The following UBP1 variants were observed in gnomAD, a reference collection of about 807,000 sequenced individuals.
The protein encoded by UBP1 is upstream-binding protein 1.
A neutral mutation model predicts 76.1 loss-of-function variants in UBP1; 22 were observed. The observed-to-expected ratio is 0.29, with a 90% confidence interval of 0.21 to 0.41. UBP1 has a LOEUF of 0.41. Ranked by LOEUF, UBP1 falls within the 10% of genes least tolerant of loss-of-function variation. The probability of loss-of-function intolerance (pLI) is 1.00; values close to 1 mark genes in which losing one functional copy is unlikely to be tolerated. For missense variants in UBP1, 436 were observed against 668.1 expected, an observed-to-expected ratio of 0.65 and a Z score of 3.83; for synonymous variants, 224 against 237.1, an observed-to-expected ratio of 0.94 and a Z score of 0.51.
At chr3:33,433,875 C>T (rs1157601920) in intron 1 of UBP1, among the ~76,000 whole-genome samples, 1 of 149,850 alleles carries the variant, frequency 6.7e-6, no homozygotes, top group Non-Finnish European at 1.5e-5. Flanking sequence ...ATCAAGTCTG[C>T]AAATAGCCAC....
chr3:33,411,113 G>A (rs1003600304), intron 5 of UBP1, among the ~76,000 whole-genome samples: 2 of 151,542 alleles, frequency 1.3e-5, no homozygotes, highest in Admixed American at 1.3e-4. Flanking sequence ...TAACTAAAAG[G>A]GGGCGGAAAC....
rs2044174699 is a variant in UBP1 at position 33,400,292 on chromosome 3, A to G, written c.1087-10T>C. 1 of 1,583,400 alleles carries G rather than the reference A, an allele frequency of 6.3e-7. No individual in the cohort carries two copies. Among genetic ancestry groups the G allele is most frequent in the Non-Finnish European group, 8.6e-7 (1 of 1,166,050 alleles). ...CTGAAGGCTGAATTTGCTATTAACA[A>G]TGAAAATGAACATAAATAAAAGGAA... On this transcript the variant is annotated splice_polypyrimidine_tract_variant and intron_variant, in intron 10 of 15. Coordinates refer to ENST00000283629, the MANE Select transcript of UBP1 (RefSeq NM_014517.5).
chr3:33,409,167 C>T (rs1180936267), intron 7 of UBP1, 69 bp downstream of exon 7: 1 of 1,446,118 alleles, frequency 6.9e-7, no homozygotes, highest in South Asian at 1.2e-5. Context: ...TGTAGCAGAA[C>T]TCATCTTAGA....
At chr3:33,391,062 G>A (rs2043745313) in intron 15 of UBP1, 1 of 152,296 alleles carries the variant, frequency 6.6e-6, no homozygotes, top group Admixed American at 6.5e-5. Context: ...GGTAAAAACT[G>A]TACTGCTGTG....
chr3:33,433,603 A>T (rs2045151864), intron 1 of UBP1, among the ~76,000 whole-genome samples: 1 of 151,622 alleles, frequency 6.6e-6, no homozygotes, highest in African/African-American at 2.4e-5. Flanking sequence ...CGGTGAGCTG[A>T]GACAGTGCCA....
chr3:33,429,429 GCCTCAACCTCCCA>G (rs760702984), intron 1 of UBP1, among the ~76,000 whole-genome samples: 37 of 151,554 alleles, frequency 2.4e-4, no homozygotes, highest in Admixed American at 1.5e-3. Context: ...GCTCACTACA[GCCTCAACCTCCCA>G]CCTCAACCTC....
chr3:33,428,893 G>A (rs941517903), intron 1 of UBP1, among the ~76,000 whole-genome samples: 1 of 149,958 alleles, frequency 6.7e-6, no homozygotes, highest in African/African-American at 2.5e-5. Context: ...AACTACCCCG[G>A]CCTCCTGATT....
At chr3:33,437,843 G>C (rs1418631717) in intron 1 of UBP1, among the ~76,000 whole-genome samples, 1 of 152,100 alleles carries the variant, frequency 6.6e-6, no homozygotes, top group Non-Finnish European at 1.5e-5. Flanking sequence ...AGTCAATTTT[G>C]GAATTTCCTT....
At chr3:33,420,479 C>G (rs931334717) in intron 2 of UBP1, among the ~76,000 whole-genome samples, 4 of 148,506 alleles carry the variant, frequency 2.7e-5, no homozygotes, top group African/African-American at 9.9e-5. Flanking sequence ...GTGTGTGCCA[C>G]CATACTGGCT....
At chr3:33,417,036 A>G (rs1010903066) in intron 2 of UBP1, among the ~76,000 whole-genome samples, 1 of 152,150 alleles carries the variant, frequency 6.6e-6, no homozygotes, top group Admixed American at 6.5e-5. Context: ...AGGAGACAAG[A>G]GTTTCTCTGT....
Position 33,388,399 on chromosome 3 carries a change from A to G in UBP1, c.*1932T>C, listed in dbSNP as rs1479537546. The G allele has an allele frequency of 6.6e-6, 1 of 152,630 alleles. No homozygotes were observed. Among genetic ancestry groups the G allele is most frequent in the Non-Finnish European group, 1.5e-5 (1 of 68,032 alleles). The allele number at this position is 152,630 out of a possible 1,614,324, so 9.5% of individuals were successfully genotyped here. ...GTGTACATCCTACTATTAAAAAAAC[A>G]AAGTAACAAATTTGCTGGTGCCAAA... is the stretch of plus-strand genomic sequence containing the variant. On this transcript the variant is annotated 3_prime_UTR_variant, in exon 16 of 16. Transcript: ENST00000283629.
At chr3:33,429,256 T>C (rs7613769) in intron 1 of UBP1, among the ~76,000 whole-genome samples, 39,307 of 152,064 alleles carry the variant, frequency 0.26, 5,990 homozygotes, top group East Asian at 0.47. Flanking sequence ...TTGAAAGTCC[T>C]AAAACCTTGA....
rs1286863609 is a variant in UBP1 at position 33,389,663 on chromosome 3, C to G, written c.*668G>C. The stretch of plus-strand genomic sequence containing the variant: ...AAGCCAAAACACAAAAGTCTTTGTA[C>G]CTATTAGGATTTACACTGATCCTCT... On this transcript the variant is annotated 3_prime_UTR_variant, in exon 16 of 16. Transcript: ENST00000283629. 6.6e-6 allele frequency: 1 copy of G among 152,342 alleles called. No individual in the cohort carries two copies. The highest frequency in any genetic ancestry group is 1.5e-5 in the Non-Finnish European group (1 of 68,022). 9.4% of individuals were successfully genotyped at this position (152,342 alleles called of 1,614,324 possible). A position where few individuals can be genotyped will look rare whatever the true frequency, so the allele number is the denominator to read the frequency against.
chr3:33,439,151 G>A (rs543031199), intron 1 of UBP1, among the ~76,000 whole-genome samples: 8 of 152,280 alleles, frequency 5.3e-5, no homozygotes, highest in African/African-American at 1.9e-4. Flanking sequence ...ACCCTCAAGA[G>A]GAAACAGCCT....
chr3:33,409,195 C>T lies in UBP1; in HGVS notation c.819+41G>A, dbSNP rs1221449552. 4.4e-6 allele frequency: 7 copies of T among 1,590,896 alleles called. No homozygotes were observed. The South Asian group carries it at 7.8e-5, about 18-fold the overall frequency. On this transcript the variant is annotated intron_variant, in intron 7 of 15. Coordinates refer to ENST00000283629, the MANE Select transcript of UBP1 (RefSeq NM_014517.5). The stretch of plus-strand genomic sequence containing the variant: ...ATCTTAGAAATAGACTAATATGCAA[C>T]CTTTGCTTCTCTTCCAAAACCAAAT...
At chr3:33,416,243 T>A (rs544291199) in intron 3 of UBP1, 1 of 152,424 alleles carries the variant, frequency 6.6e-6, no homozygotes, top group Non-Finnish European at 1.5e-5. Flanking sequence ...CCATGATGTA[T>A]GATGGATACA....
chr3:33,425,888 T>C, intron 1 of UBP1, 147 bp from the exon 2 acceptor site: 1 of 637,598 alleles, frequency 1.6e-6, no homozygotes, highest in Middle Eastern at 3.7e-4. Flanking sequence ...GATCAGAAAT[T>C]ATATGTAGAA....
intron 11 of UBP1, 46 bp downstream of exon 11, chr3:33,400,143 A>G (rs2044166662): frequency 1.6e-6 from 2 of 1,281,988 alleles, no homozygotes; most frequent in East Asian, 5.6e-5. Context: ...CACAGAAACA[A>G]AAACAAAACA....
intron 13 of UBP1, 88 bp from the exon 14 acceptor site, chr3:33,393,542 A>G: frequency 2.3e-6 from 3 of 1,308,258 alleles, no homozygotes; most frequent in Non-Finnish European, 3.1e-6. Context: ...TACGAAGGTC[A>G]CACCTTTCAA....
Sources: allele counts gnomAD v4.1 joint callset (sites outside exome capture counted in the v4.1 genomes callset), GRCh38; gene constraint gnomAD v4.1.1; transcripts MANE v1.5; gene names NCBI Gene and HGNC (gene_info 2026-07-23, HGNC 2026-07-21).